DNAI3: variants seen among roughly 807,000 people sequenced by gnomAD.
DNAI3 encodes the protein dynein axonemal intermediate chain 3, also known as WD repeat domain 63.
In DNAI3, 83 loss-of-function variants were observed where a neutral mutation model predicts 115.5. That is an observed-to-expected ratio of 0.72 (90% CI 0.60 to 0.86). DNAI3 has a LOEUF of 0.86. DNAI3 is among the 40% of genes least tolerant of loss of function. DNAI3 has a pLI of 0.00. For synonymous variants in DNAI3, 320 were observed against 347.0 expected, an observed-to-expected ratio of 0.92 and a Z score of 0.86; for missense variants, 1,004 against 1,075.8, an observed-to-expected ratio of 0.93 and a Z score of 0.93.
intron 7 of DNAI3, among the ~76,000 whole-genome samples, chr1:85,088,456 T>A (rs1031825748): frequency 6.6e-6 from 1 of 152,092 alleles, no homozygotes; most frequent in African/African-American, 2.4e-5. Flanking sequence ...GGGTAGCTGG[T>A]ATGAGGTAGA....
At chr1:85,097,515 G>A (rs187584933) in intron 11 of DNAI3, 54 bp from the exon 12 acceptor site, 1 of 1,493,808 alleles carries the variant, frequency 6.7e-7, no homozygotes, top group Non-Finnish European at 9.0e-7. Context: ...AGAAAATTAA[G>A]ACTCAATTAG....
At chr1:85,130,538 C>T (rs1656279333) in intron 22 of DNAI3, among the ~76,000 whole-genome samples, 1 of 152,106 alleles carries the variant, frequency 6.6e-6, no homozygotes, top group African/African-American at 2.4e-5. Flanking sequence ...AGCTTCAGGT[C>T]TCTTATCTTG....
At chr1:85,130,667 TGATAGATA>T (rs71736981) in intron 22 of DNAI3, among the ~76,000 whole-genome samples, 20,220 of 148,282 alleles carry the variant, frequency 0.14, 1,437 homozygotes, top group South Asian at 0.24. Context: ...ATTAGATAGA[TGATAGATA>T]GATAGATAGA....
intron 4 of DNAI3, among the ~76,000 whole-genome samples, chr1:85,082,015 T>C (rs1219443138): frequency 6.6e-6 from 1 of 152,266 alleles, no homozygotes; most frequent in African/African-American, 2.4e-5. Context: ...ATTTTGGTTC[T>C]GATTTATCTC....
intron 16 of DNAI3, among the ~76,000 whole-genome samples, chr1:85,113,765 T>C (rs893160825): frequency 2.0e-5 from 3 of 152,210 alleles, no homozygotes; most frequent in Admixed American, 1.3e-4. Flanking sequence ...ATTGAATCTG[T>C]AGGTCAGTAT....
chr1:85,098,674 C>A lies in DNAI3; in HGVS notation c.1479+16C>A, dbSNP rs759863380. 6.2e-7 allele frequency: 1 copy of A among 1,607,216 alleles called. No individual in the cohort carries two copies. Among genetic ancestry groups the A allele is most frequent in the Non-Finnish European group, 8.5e-7 (1 of 1,178,004 alleles). ...CACATTTGAGGTGAGACTTGATGGCCTTATACTTTTCTCCTGCTGAATTAC... is the reference window on the plus strand; with the variant it reads ...CACATTTGAGGTGAGACTTGATGGCATTATACTTTTCTCCTGCTGAATTAC... On this transcript the variant is annotated intron_variant, in intron 13 of 22. Transcript: ENST00000294664.
intron 3 of DNAI3, among the ~76,000 whole-genome samples, chr1:85,079,477 T>C (rs1383167011): frequency 6.6e-6 from 1 of 152,040 alleles, no homozygotes; most frequent in Non-Finnish European, 1.5e-5. Flanking sequence ...AATTCCAACA[T>C]GAGAGGCCAC....
At chr1:85,132,663 C>G (rs1474669872) in intron 22 of DNAI3, among the ~76,000 whole-genome samples, 192 bp from the exon 23 acceptor site, 1 of 151,966 alleles carries the variant, frequency 6.6e-6, no homozygotes, top group Non-Finnish European at 1.5e-5. Flanking sequence ...ACCATGTTTC[C>G]CCCCACTCCC....
intron 10 of DNAI3, among the ~76,000 whole-genome samples, 165 bp downstream of exon 10, chr1:85,094,720 A>C (rs1334306515): frequency 6.6e-6 from 1 of 152,234 alleles, no homozygotes; most frequent in Non-Finnish European, 1.5e-5. Context: ...AATTTGAGCA[A>C]AACTAAAGTT....
chr1:85,108,005 A>C (rs757826607), intron 14 of DNAI3, 28 bp from the exon 15 acceptor site: 5 of 1,430,128 alleles, frequency 3.5e-6, no homozygotes, highest in Middle Eastern at 3.8e-4. Context: ...TTTGTACTTA[A>C]TAAAAAATAT....
At chr1:85,130,753 A>AT (rs1434520908) in intron 22 of DNAI3, among the ~76,000 whole-genome samples, 1 of 152,120 alleles carries the variant, frequency 6.6e-6, no homozygotes, top group Non-Finnish European at 1.5e-5. Flanking sequence ...AAAGAGGTGA[A>AT]TTTTACTGTA....
intron 13 of DNAI3, 133 bp downstream of exon 13, chr1:85,098,791 A>G: frequency 3.0e-6 from 4 of 1,336,216 alleles, no homozygotes; most frequent in Admixed American, 2.2e-5. Flanking sequence ...GCATCAAAAA[A>G]TGGGGTTACT....
chr1:85,095,840 A>T, intron 10 of DNAI3, 91 bp from the exon 11 acceptor site: 1 of 1,268,126 alleles, frequency 7.9e-7, no homozygotes, highest in Non-Finnish European at 1.1e-6. Context: ...ATAGCTATAA[A>T]ATTAGACTTT....
Position 85,121,819 on chromosome 1 carries a change from G to C in DNAI3, c.1981+5G>C. On this transcript the variant is annotated splice_donor_5th_base_variant and intron_variant, in intron 18 of 22. Transcript: ENST00000294664. ...CTGAAACTGGCCGACTTATGTGTAA[G>C]TTTTGTGATTGCCCTGTTATTAATA... 6.2e-7 allele frequency: 1 copy of C among 1,613,992 alleles called. No individual in the cohort carries two copies. The highest frequency in any genetic ancestry group is 8.5e-7 in the Non-Finnish European group (1 of 1,179,874).
In DNAI3 at chr1:85,081,434, T is replaced by C; in HGVS notation, c.285+19T>C. On this transcript the variant is annotated intron_variant, in intron 4 of 22. Coordinates refer to ENST00000294664, the MANE Select transcript of DNAI3 (RefSeq NM_145172.5). ...TGTCCAGGTAAGCACAATATCCCTATTTATTTTCAGTCCTACCTCAAGAAG... is the reference window on the plus strand; with the variant it reads ...TGTCCAGGTAAGCACAATATCCCTACTTATTTTCAGTCCTACCTCAAGAAG... 1 of 1,528,744 alleles carries C rather than the reference T, an allele frequency of 6.5e-7. No individual in the cohort carries two copies. Among genetic ancestry groups the C allele is most frequent in the Non-Finnish European group, 8.7e-7 (1 of 1,147,348 alleles). 94.7% of individuals were successfully genotyped at this position (1,528,744 alleles called of 1,614,324 possible).
intron 3 of DNAI3, among the ~76,000 whole-genome samples, chr1:85,075,704 G>T (rs1654430900): frequency 6.6e-6 from 1 of 152,172 alleles, no homozygotes; most frequent in Non-Finnish European, 1.5e-5. Context: ...ATGCCCAGAG[G>T]TTTCTGGAGA....
chr1:85,103,125 C>T (rs571735921), intron 13 of DNAI3, among the ~76,000 whole-genome samples: 2 of 152,164 alleles, frequency 1.3e-5, no homozygotes, highest in Non-Finnish European at 2.9e-5. Context: ...CCTGTTTTCA[C>T]CTAACTTCAT....
chr1:85,114,013 A>ATTTTTTTT (rs1655736355), intron 16 of DNAI3, among the ~76,000 whole-genome samples: 4 of 77,744 alleles, frequency 5.1e-5, no homozygotes, highest in Admixed American at 2.2e-4. Flanking sequence ...TACAATTTGT[A>ATTTTTTTT]TCTTTTTTTT....
intron 1 of DNAI3, among the ~76,000 whole-genome samples, chr1:85,071,524 T>C (rs564264699): frequency 6.6e-6 from 1 of 152,350 alleles, no homozygotes; most frequent in African/African-American, 2.4e-5. Flanking sequence ...TCACTCCCAG[T>C]GGCCTATCTT....
Sources: gnomAD v4.1 joint callset for allele counts (sites outside exome capture counted in the v4.1 genomes callset) on GRCh38, gnomAD v4.1.1 for gene constraint, MANE v1.5 for transcripts, NCBI Gene and HGNC (gene_info 2026-07-23, HGNC 2026-07-21) for gene names.